INPP4B: variants seen among roughly 807,000 people sequenced by gnomAD.
The protein encoded by INPP4B is inositol polyphosphate 4-phosphatase type II.
A neutral mutation model predicts 122.5 loss-of-function variants in INPP4B; 55 were observed. That is an observed-to-expected ratio of 0.45 (90% CI 0.36 to 0.56). The LOEUF is 0.56. Ranked by LOEUF, INPP4B falls within the 20% of genes least tolerant of loss-of-function variation. The pLI, the probability that INPP4B is intolerant of heterozygous loss-of-function variation, is 0.00. For synonymous variants in INPP4B, 403 were observed against 388.7 expected (o/e 1.04, Z -0.43); for missense variants, 1,000 against 1,097.7 (o/e 0.91, Z 1.26).
chr4:142,253,321 T>C (rs951763445), intron 11 of INPP4B, among the ~76,000 whole-genome samples: 42 of 152,300 alleles, frequency 2.8e-4, no homozygotes, highest in African/African-American at 9.1e-4. Flanking sequence ...TAAAATCTTT[T>C]CTTTCTTCAA....
chr4:142,032,580 C>CA (rs1560878916), intron 25 of INPP4B, among the ~76,000 whole-genome samples: 1 of 152,006 alleles, frequency 6.6e-6, no homozygotes, highest in Admixed American at 6.6e-5. Context: ...TCATGTATTT[C>CA]AAAAAATATA....
intron 7 of INPP4B, among the ~76,000 whole-genome samples, chr4:142,319,343 T>C (rs1365912848): frequency 2.0e-5 from 3 of 152,194 alleles, no homozygotes; most frequent in Admixed American, 2.0e-4. Context: ...TGATAATGAA[T>C]GTGTCTCATT....
At chr4:142,034,437 C>T (rs1323376605) in intron 25 of INPP4B, among the ~76,000 whole-genome samples, 1 of 152,084 alleles carries the variant, frequency 6.6e-6, no homozygotes, top group African/African-American at 2.4e-5. Flanking sequence ...GTATTTCATA[C>T]TTTGCTCTGC....
At chr4:142,806,985 T>A (rs1396445500) in intron 1 of INPP4B, among the ~76,000 whole-genome samples, 1 of 152,168 alleles carries the variant, frequency 6.6e-6, no homozygotes, top group African/African-American at 2.4e-5. Context: ...CTCAACATGT[T>A]CATCCGACAA....
intron 25 of INPP4B, among the ~76,000 whole-genome samples, chr4:142,046,139 C>A (rs532139846): frequency 6.6e-5 from 10 of 152,138 alleles, no homozygotes; most frequent in Admixed American, 2.0e-4. Flanking sequence ...TGCTCCCCTA[C>A]CTTTCCAGAT....
At position 142,390,170 on chromosome 4, in the gene INPP4B, G is replaced by A. The variant is rs532247411; in HGVS notation, c.372+12768C>T. The stretch of plus-strand genomic sequence containing the variant: ...AAGATAGATACATTTTATCTATAAG[G>A]TTTTATTAAAAATTGGGGATAACAT... On this transcript the variant is annotated intron_variant, in intron 7 of 25. Transcript: ENST00000262992. Among the ~76,000 whole-genome samples, 345 of 152,228 alleles carry A rather than the reference G, an allele frequency of 2.3e-3. 3 individuals are homozygous for A. Among genetic ancestry groups the A allele is most frequent in the African/African-American group, 7.8e-3 (326 of 41,546 alleles).
Position 142,270,725 on chromosome 4 carries a change from T to G in INPP4B, c.553A>C (p.Lys185Gln). 8 of 1,614,052 alleles carry G rather than the reference T, an allele frequency of 5.0e-6. No individual in the cohort carries two copies. The highest frequency in any genetic ancestry group is 6.8e-6 in the Non-Finnish European group (8 of 1,179,972). The change falls in exon 10 of 26, where the codon AAG becomes CAG. Residue 185 changes from lysine to glutamine, a missense_variant. Lys to Gln is a moderately conservative substitution (Grantham distance 53). Coordinates refer to ENST00000262992, the MANE Select transcript of INPP4B (RefSeq NM_001101669.3). The stretch of plus-strand genomic sequence containing the variant: ...TCCCCATCCTCAATCTCCCCCATCT[T>G]CACGACACTGACTTCTATGGTGCCA... ...VVGTIEVSVV[K>Q]MGEIEDGEAD...
At chr4:142,066,319 G>A (rs1763475798) in intron 25 of INPP4B, among the ~76,000 whole-genome samples, 1 of 152,104 alleles carries the variant, frequency 6.6e-6, no homozygotes, top group Admixed American at 6.5e-5. Flanking sequence ...TTATAGTCTG[G>A]TAAGTACATG....
At chr4:142,361,417 C>T (rs555479115) in intron 7 of INPP4B, among the ~76,000 whole-genome samples, 1 of 152,014 alleles carries the variant, frequency 6.6e-6, no homozygotes, top group East Asian at 1.9e-4. Context: ...TACTTTATGT[C>T]GATTCGCCAC....
chr4:142,828,235 A>G (rs1000297995), intron 1 of INPP4B, among the ~76,000 whole-genome samples: 2 of 152,176 alleles, frequency 1.3e-5, no homozygotes, highest in Non-Finnish European at 2.9e-5. Context: ...GGGGAGTTTA[A>G]TGTCCAGGTA....
At chr4:142,611,914 C>A (rs1742626731) in intron 2 of INPP4B, among the ~76,000 whole-genome samples, 1 of 152,156 alleles carries the variant, frequency 6.6e-6, no homozygotes. Context: ...GGTGATCCAC[C>A]AGCCTCAGCC....
In INPP4B at chr4:142,809,939, G is replaced by A. The variant is rs527827474; in HGVS notation, c.-254+36270C>T. Among the ~76,000 whole-genome samples the A allele has an allele frequency of 8.5e-5, 13 of 152,204 alleles. No individual in the cohort carries two copies. In the South Asian group the frequency reaches 2.7e-3, roughly 32 times the overall value. On this transcript the variant is annotated intron_variant, in intron 1 of 25. Coordinates refer to ENST00000262992, the MANE Select transcript of INPP4B (RefSeq NM_001101669.3). ...AATCTCAGCACTTTGGGAGGCCAAG[G>A]TGGGCAGATCACCTGAGGTCAGGAG...
intron 7 of INPP4B, among the ~76,000 whole-genome samples, chr4:142,334,062 T>G (rs921499618): frequency 6.6e-6 from 1 of 152,172 alleles, no homozygotes; most frequent in African/African-American, 2.4e-5. Flanking sequence ...TCTAATTCTG[T>G]TCTGTTTCTA....
chr4:142,176,333 C>T (rs890668079), intron 15 of INPP4B, among the ~76,000 whole-genome samples: 1 of 151,740 alleles, frequency 6.6e-6, no homozygotes, highest in African/African-American at 2.4e-5. Context: ...ATCAAGCTAC[C>T]AATGACTTTC....
chr4:142,648,373 C>A (rs1017996155), intron 2 of INPP4B, among the ~76,000 whole-genome samples: 4 of 152,214 alleles, frequency 2.6e-5, no homozygotes, highest in Admixed American at 6.5e-5. Context: ...GGTATTGCCT[C>A]ACCCAGGAAG....
At chr4:142,341,109 A>T (rs1408920422) in intron 7 of INPP4B, among the ~76,000 whole-genome samples, 1 of 152,210 alleles carries the variant, frequency 6.6e-6, no homozygotes, top group African/African-American at 2.4e-5. Context: ...GAATATAAAA[A>T]TATGCTTATT....
chr4:142,788,031 C>T (rs1255534242), intron 1 of INPP4B, among the ~76,000 whole-genome samples: 1 of 151,898 alleles, frequency 6.6e-6, no homozygotes, highest in East Asian at 1.9e-4. Flanking sequence ...GGATTGCTTC[C>T]GGTTGCGGGA....
chr4:142,332,738 C>T, intron 7 of INPP4B, among the ~76,000 whole-genome samples: 1 of 151,800 alleles, frequency 6.6e-6, no homozygotes, highest in Non-Finnish European at 1.5e-5. Context: ...TGCGCAGTGG[C>T]TCACGCCTGT....
At chr4:142,707,159 C>T (rs994313724) in intron 2 of INPP4B, among the ~76,000 whole-genome samples, 1 of 152,202 alleles carries the variant, frequency 6.6e-6, no homozygotes, top group Non-Finnish European at 1.5e-5. Flanking sequence ...TCTTGACATA[C>T]ACTCTCTTAC....
Sources: gnomAD v4.1 joint callset for allele counts (sites outside exome capture counted in the v4.1 genomes callset) on GRCh38, gnomAD v4.1.1 for gene constraint, MANE v1.5 for transcripts, NCBI Gene and HGNC (gene_info 2026-07-23, HGNC 2026-07-21) for gene names.